LARGE1: variants seen among roughly 807,000 people sequenced by gnomAD.
LARGE1 encodes the protein LARGE xylosyl- and glucuronyltransferase 1.
LARGE1 carries 43 observed loss-of-function variants against 87.6 expected under a neutral mutation model. The ratio of observed to expected loss-of-function variants is 0.49; its 90% CI spans 0.38 to 0.63. The LOEUF is 0.63. Among genes scored for constraint, LARGE1 ranks in the 30% least tolerant of loss-of-function variants. The pLI, the probability that LARGE1 is intolerant of heterozygous loss-of-function variation, is 0.00. For missense variants in LARGE1, 802 were observed against 1,000.2 expected, an observed-to-expected ratio of 0.80 and a Z score of 2.67; for synonymous variants, 434 against 394.6, an observed-to-expected ratio of 1.10 and a Z score of -1.18.
chr22:33,082,575 T>C, the LARGE1 span, among the ~76,000 whole-genome samples: 1 of 152,196 alleles, frequency 6.6e-6, no homozygotes, highest in Non-Finnish European at 1.5e-5. Flanking sequence ...CTGAGCAATC[T>C]ACGCATTTAC....
At chr22:33,231,974 A>C (rs72620420) in intron 11 of LARGE1, among the ~76,000 whole-genome samples, 17,126 of 152,256 alleles carry the variant, frequency 0.11, 1,194 homozygotes, top group East Asian at 0.22. Context: ...TCATCACAAC[A>C]ATCTGGAAAG....
At chr22:33,710,985 T>C (rs1233928220) in intron 2 of LARGE1, among the ~76,000 whole-genome samples, 1 of 152,182 alleles carries the variant, frequency 6.6e-6, no homozygotes, top group African/African-American at 2.4e-5. Context: ...AATCTTTACG[T>C]AAGAAATCAT....
chr22:33,592,246 G>A (rs572415090), intron 5 of LARGE1, among the ~76,000 whole-genome samples: 1 of 152,190 alleles, frequency 6.6e-6, no homozygotes, highest in South Asian at 2.1e-4. Flanking sequence ...ATTTTTGTAT[G>A]TGGAATGAAG....
chr22:33,884,760 C>G lies in LARGE1; in HGVS notation c.-83+35235G>C, dbSNP rs149440018. On this transcript the variant is annotated intron_variant, in intron 1 of 14. Coordinates refer to ENST00000397394, the MANE Select transcript of LARGE1 (RefSeq NM_133642.5). Reference sequence around the variant, plus strand: ...GCGTGCACTTACTCCAAAAGTCAACCTTTGTCTACAAAGGACAATGACAGG... The same window carrying G: ...GCGTGCACTTACTCCAAAAGTCAACGTTTGTCTACAAAGGACAATGACAGG... Among the ~76,000 whole-genome samples, 77 of 152,340 alleles carry G rather than the reference C, an allele frequency of 5.1e-4. 2 individuals are homozygous for G. The East Asian group carries it at 0.014, about 27-fold the overall frequency.
At chr22:33,606,157 G>A (rs2079253542) in intron 4 of LARGE1, among the ~76,000 whole-genome samples, 2 of 152,202 alleles carry the variant, frequency 1.3e-5, no homozygotes, top group Non-Finnish European at 2.9e-5. Context: ...TGTAATCCCA[G>A]CACTTTGGGA....
At chr22:33,532,526 A>T (rs2076931484) in intron 6 of LARGE1, among the ~76,000 whole-genome samples, 1 of 152,042 alleles carries the variant, frequency 6.6e-6, no homozygotes, top group Non-Finnish European at 1.5e-5. Context: ...AGACACCAAC[A>T]CTCTAAGGCA....
At chr22:33,423,181 G>A (rs1490815726) in intron 7 of LARGE1, among the ~76,000 whole-genome samples, 2 of 152,034 alleles carry the variant, frequency 1.3e-5, no homozygotes, top group African/African-American at 4.8e-5. Context: ...TAATGTATCA[G>A]TACCATTCAG....
intron 11 of LARGE1, among the ~76,000 whole-genome samples, chr22:33,211,708 G>T (rs532592080): frequency 1.3e-5 from 2 of 152,144 alleles, no homozygotes; most frequent in Non-Finnish European, 2.9e-5. Flanking sequence ...CAGAGACGGC[G>T]GCTGCAGTGA....
chr22:33,217,532 A>G (rs1925266007), intron 11 of LARGE1, among the ~76,000 whole-genome samples: 1 of 152,202 alleles, frequency 6.6e-6, no homozygotes, highest in Non-Finnish European at 1.5e-5. Context: ...CATTATAGAA[A>G]ATGTTTAAAT....
the LARGE1 span, among the ~76,000 whole-genome samples, chr22:33,119,627 T>A: frequency 6.6e-6 from 1 of 152,202 alleles, no homozygotes; most frequent in Non-Finnish European, 1.5e-5. Flanking sequence ...TTGAATAGAT[T>A]CCTGTCCCAA....
intron 6 of LARGE1, among the ~76,000 whole-genome samples, chr22:33,444,281 A>G (rs1280492110): frequency 6.6e-6 from 1 of 152,242 alleles, no homozygotes; most frequent in Non-Finnish European, 1.5e-5. Context: ...TGACTGTAAA[A>G]TGAATTGTTA....
intron 11 of LARGE1, among the ~76,000 whole-genome samples, chr22:33,175,669 G>T (rs139524751): frequency 1.3e-5 from 2 of 152,030 alleles, no homozygotes; most frequent in Non-Finnish European, 2.9e-5. Flanking sequence ...ACAAACAAAC[G>T]GAAGAACATT....
chr22:33,169,240 A>G (rs1468774244), intron 11 of LARGE1, among the ~76,000 whole-genome samples: 1 of 152,198 alleles, frequency 6.6e-6, no homozygotes, highest in African/African-American at 2.4e-5. Context: ...TAAAATAAGG[A>G]TTGAATTAGG....
chr22:33,291,494 C>G (rs1434534093), intron 12 of LARGE1, among the ~76,000 whole-genome samples: 3 of 152,260 alleles, frequency 2.0e-5, no homozygotes, highest in African/African-American at 7.2e-5. Flanking sequence ...CCCCAACATT[C>G]ATGTGTTGGA....
At chr22:33,754,633 G>C (rs1601533101) in intron 2 of LARGE1, among the ~76,000 whole-genome samples, 1 of 152,138 alleles carries the variant, frequency 6.6e-6, no homozygotes. Flanking sequence ...ACCGTGCCCG[G>C]CCAGCTCTTC....
At chr22:33,487,790 C>T (rs780933320) in intron 6 of LARGE1, among the ~76,000 whole-genome samples, 8 of 152,188 alleles carry the variant, frequency 5.3e-5, no homozygotes, top group Admixed American at 1.3e-4. Context: ...TGCTCACTGA[C>T]GGCAAGACCT....
intron 1 of LARGE1, among the ~76,000 whole-genome samples, chr22:33,830,820 C>T (rs1210632603): frequency 2.0e-5 from 3 of 152,208 alleles, no homozygotes; most frequent in Non-Finnish European, 4.4e-5. Flanking sequence ...GGCACCCTTG[C>T]TGCTTCACAG....
chr22:33,722,679 T>C (rs1300213531), intron 2 of LARGE1, among the ~76,000 whole-genome samples: 4 of 151,830 alleles, frequency 2.6e-5, no homozygotes, highest in African/African-American at 9.7e-5. Context: ...GAGGGAAGTA[T>C]AATGGCAAGA....
chr22:33,412,773 G>T (rs2066352286), intron 7 of LARGE1, among the ~76,000 whole-genome samples: 1 of 152,146 alleles, frequency 6.6e-6, no homozygotes, highest in Admixed American at 6.5e-5. Flanking sequence ...CAATTCTCCT[G>T]CCTCAGCCTC....
Sources: gnomAD v4.1 joint callset for allele counts (sites outside exome capture counted in the v4.1 genomes callset) on GRCh38, gnomAD v4.1.1 for gene constraint, MANE v1.5 for transcripts, NCBI Gene and HGNC (gene_info 2026-07-23, HGNC 2026-07-21) for gene names.